The following BCL7A variants were observed in gnomAD, a reference collection of about 807,000 sequenced individuals.
BCL7A encodes B-cell CLL/lymphoma 7 protein family member A.
Under a neutral mutation model 28.4 loss-of-function variants are expected in BCL7A, and 11 were observed. The observed-to-expected ratio is 0.39, with a 90% confidence interval of 0.24 to 0.64. BCL7A has a LOEUF of 0.64. BCL7A is among the 30% of genes least tolerant of loss of function. The pLI is 0.50. For missense variants in BCL7A, 222 were observed against 274.8 expected, an observed-to-expected ratio of 0.81 and a Z score of 1.36; for synonymous variants, 123 against 103.3, an observed-to-expected ratio of 1.19 and a Z score of -1.15.
Position 122,050,300 on chromosome 12 carries a change from G to GC in BCL7A, c.440-4505_440-4504insC, listed in dbSNP as rs201127945. ...CAGTCTTGGATCCTTCTTTATTGTG[G>GC]GGGGGGGGCCATCCTGTGCATTGTG... On this transcript the variant is annotated intron_variant, in intron 4 of 5. Coordinates refer to ENST00000261822, the MANE Select transcript of BCL7A (RefSeq NM_001024808.3). Among the ~76,000 whole-genome samples the GC allele has an allele frequency of 3.0e-3, 349 of 118,222 alleles. 4 individuals carry two copies. Among genetic ancestry groups the GC allele is most frequent in the African/African-American group, 0.01 (334 of 33,148 alleles). The allele number at this position is 118,222 out of a possible 152,430, so 77.6% of individuals were successfully genotyped here. A position where few individuals can be genotyped will look rare whatever the true frequency, so the allele number is the denominator to read the frequency against.
chr12:122,044,042 C>T lies in BCL7A; in HGVS notation c.428C>T (p.Pro143Leu), dbSNP rs1200207905. 2.5e-6 allele frequency: 4 copies of T among 1,613,388 alleles called. No homozygotes were observed. Among genetic ancestry groups the T allele is most frequent in the East Asian group, 2.2e-5 (1 of 44,844 alleles). The stretch of plus-strand genomic sequence containing the variant: ...GCCCAGGCTGATGGGAAGGAGCACC[C>T]AGGAGCTGAAGGTATGTGGCCTCTG... ...DEAQADGKEH[P>L]GAEDASDEQN... is the part of the protein sequence containing the mutation. The change falls in exon 4 of 6, where the codon CCA becomes CTA. Residue 143 changes from proline (P) to leucine (L), a missense_variant. Physicochemically the swap from Pro to Leu is moderately conservative, Grantham distance 98. Coordinates refer to ENST00000261822, the MANE Select transcript of BCL7A (RefSeq NM_001024808.3).
chr12:122,024,207 A>G (rs1883556770), intron 1 of BCL7A, among the ~76,000 whole-genome samples: 1 of 152,286 alleles, frequency 6.6e-6, no homozygotes, highest in African/African-American at 2.4e-5. Flanking sequence ...GTGTCCTCTG[A>G]AGACCTCAGG....
At chr12:122,026,241 TGGGC>T (rs1045434989) in intron 1 of BCL7A, among the ~76,000 whole-genome samples, 4 of 130,234 alleles carry the variant, frequency 3.1e-5, no homozygotes, top group African/African-American at 1.2e-4. Context: ...TACTCCAGCC[TGGGC>T]GACAGAGCGA....
Position 122,021,913 on chromosome 12 carries a change from G to T in BCL7A, c.-179G>T. 1 of 427,546 alleles carries T rather than the reference G, an allele frequency of 2.3e-6. No individual in the cohort carries two copies. 26.5% of individuals were successfully genotyped at this position (427,546 alleles called of 1,614,324 possible). A position where few individuals can be genotyped will look rare whatever the true frequency, so the allele number is the denominator to read the frequency against. On this transcript the variant is annotated 5_prime_UTR_variant, in exon 1 of 6. Transcript: ENST00000261822. ...TGGGCCAGGCGCGCGGCGGCCCCGG[G>T]CTTTGTGTGTGTGTGTATGTGTGTG...
chr12:122,044,741 C>A, intron 4 of BCL7A, among the ~76,000 whole-genome samples: 1 of 151,008 alleles, frequency 6.6e-6, no homozygotes, highest in African/African-American at 2.4e-5. Flanking sequence ...CGGGAGTATC[C>A]CTTGAGCTCA....
intron 4 of BCL7A, among the ~76,000 whole-genome samples, chr12:122,045,917 C>T (rs1056161161): frequency 5.3e-5 from 8 of 151,596 alleles, no homozygotes; most frequent in East Asian, 1.9e-4. Flanking sequence ...GACGAAACCC[C>T]GTCTCTACAA....
chr12:122,025,535 G>A (rs1883606394), intron 1 of BCL7A, among the ~76,000 whole-genome samples: 1 of 151,960 alleles, frequency 6.6e-6, no homozygotes, highest in Non-Finnish European at 1.5e-5. Flanking sequence ...GCTGAGGCAG[G>A]AGAATGGCGG....
At position 122,060,806 on chromosome 12, in the gene BCL7A, G is replaced by C. The variant is rs1951914997; in HGVS notation, c.*1643G>C. 2 of 228,192 alleles carry C rather than the reference G, an allele frequency of 8.8e-6. No homozygotes were observed. Among genetic ancestry groups the C allele is most frequent in the East Asian group, 6.2e-5 (1 of 16,188 alleles). 14.1% of individuals were successfully genotyped at this position (228,192 alleles called of 1,614,324 possible). A position where few individuals can be genotyped will look rare whatever the true frequency, so the allele number is the denominator to read the frequency against. Reference sequence around the variant, plus strand: ...TGAGGCTCTTATTTTTTTTTTTAAGGGATCCTGTCTATTTCCTGCACTTCG... The same window carrying C: ...TGAGGCTCTTATTTTTTTTTTTAAGCGATCCTGTCTATTTCCTGCACTTCG... On this transcript the variant is annotated 3_prime_UTR_variant, in exon 6 of 6. Coordinates refer to ENST00000261822, the MANE Select transcript of BCL7A (RefSeq NM_001024808.3).
intron 1 of BCL7A, among the ~76,000 whole-genome samples, chr12:122,024,028 C>A (rs1883548946): frequency 6.6e-6 from 1 of 152,236 alleles, no homozygotes; most frequent in Non-Finnish European, 1.5e-5. Context: ...GAGCGGCCAG[C>A]TGCTCTGCAG....
At chr12:122,052,603 T>C (rs1255579882) in intron 4 of BCL7A, among the ~76,000 whole-genome samples, 1 of 152,200 alleles carries the variant, frequency 6.6e-6, no homozygotes, top group Non-Finnish European at 1.5e-5. Flanking sequence ...AATGGAATCA[T>C]ATACTCTGTG....
At chr12:122,044,181 A>G (rs1884022514) in intron 4 of BCL7A, 128 bp downstream of exon 4, 1 of 1,094,410 alleles carries the variant, frequency 9.1e-7, no homozygotes. Context: ...AAGAGAGGTG[A>G]CACCTGGAGT....
intron 1 of BCL7A, among the ~76,000 whole-genome samples, chr12:122,024,447 G>A (rs1385564573): frequency 7.1e-6 from 1 of 140,842 alleles, no homozygotes; most frequent in African/African-American, 2.7e-5. Flanking sequence ...TAGAAACTTG[G>A]CTTTGAGGTT....
chr12:122,039,032 C>T (rs1307402074), intron 3 of BCL7A, among the ~76,000 whole-genome samples: 3 of 151,896 alleles, frequency 2.0e-5, no homozygotes, highest in East Asian at 3.9e-4. Context: ...ATAGGTGGTT[C>T]GTATCTATAG....
At chr12:122,025,242 A>C (rs538838713) in intron 1 of BCL7A, among the ~76,000 whole-genome samples, 2 of 152,220 alleles carry the variant, frequency 1.3e-5, no homozygotes, top group East Asian at 1.9e-4. Flanking sequence ...TCACGCCTGT[A>C]ATCCCAGAGC....
chr12:122,032,866 A>G (rs1287458798), intron 2 of BCL7A, among the ~76,000 whole-genome samples: 1 of 151,964 alleles, frequency 6.6e-6, no homozygotes, highest in African/African-American at 2.4e-5. Context: ...CTTTCCCTCT[A>G]GGGCGATGGT....
At chr12:122,023,137 G>T (rs1883511602) in intron 1 of BCL7A, among the ~76,000 whole-genome samples, 1 of 152,222 alleles carries the variant, frequency 6.6e-6, no homozygotes, top group Non-Finnish European at 1.5e-5. Flanking sequence ...CCGCGGCCTC[G>T]TCGGGGTCTG....
intron 1 of BCL7A, among the ~76,000 whole-genome samples, chr12:122,022,867 G>T (rs1391435175): frequency 6.6e-6 from 1 of 151,572 alleles, no homozygotes; most frequent in African/African-American, 2.4e-5. Flanking sequence ...GGGGCGCGGG[G>T]CGCCCACGTC....
intron 1 of BCL7A, among the ~76,000 whole-genome samples, chr12:122,026,737 G>A (rs1163495199): frequency 6.6e-6 from 1 of 152,250 alleles, no homozygotes. Context: ...GCCATGAGGA[G>A]TGAGTACAAG....
rs1465229602 is a variant in BCL7A, at chr12:122,044,068, G to T, written c.439+15G>T. On this transcript the variant is annotated intron_variant, in intron 4 of 5. Coordinates refer to ENST00000261822, the MANE Select transcript of BCL7A (RefSeq NM_001024808.3). ...AGGAGCTGAAGGTATGTGGCCTCTGGAGGTGGGGCTCTGACGGCCTCCCTG... is the reference window on the plus strand; with the variant it reads ...AGGAGCTGAAGGTATGTGGCCTCTGTAGGTGGGGCTCTGACGGCCTCCCTG... 6.2e-7 allele frequency: 1 copy of T among 1,605,250 alleles called. No individual in the cohort carries two copies. Among genetic ancestry groups the T allele is most frequent in the African/African-American group, 1.3e-5 (1 of 74,832 alleles).
Sources: allele counts gnomAD v4.1 joint callset (sites outside exome capture counted in the v4.1 genomes callset), GRCh38; gene constraint gnomAD v4.1.1; transcripts MANE v1.5; gene names NCBI Gene and HGNC (gene_info 2026-07-23, HGNC 2026-07-21).